Variants in RPS6KA5 observed in about 807,000 individuals in gnomAD.
The protein encoded by RPS6KA5 is ribosomal protein S6 kinase alpha-5.
RPS6KA5 carries 27 observed loss-of-function variants against 85.5 expected under a neutral mutation model. The ratio of observed to expected loss-of-function variants is 0.32; its 90% CI spans 0.23 to 0.44. The LOEUF (loss-of-function observed/expected upper bound fraction) is 0.44, where lower values mean the gene tolerates loss of function less well. RPS6KA5 is among the 20% of genes least tolerant of loss of function. RPS6KA5 has a pLI of 1.00. For missense variants in RPS6KA5, 811 were observed against 980.9 expected, an observed-to-expected ratio of 0.83 and a Z score of 2.31; for synonymous variants, 334 against 348.2, an observed-to-expected ratio of 0.96 and a Z score of 0.46.
chr14:90,905,793 G>T (rs2035464725), intron 8 of RPS6KA5, among the ~76,000 whole-genome samples: 2 of 152,098 alleles, frequency 1.3e-5, no homozygotes, highest in African/African-American at 4.8e-5. Context: ...AGACAGAAGT[G>T]AAAAGTACAG....
At chr14:91,033,898 A>C (rs1244070511) in intron 1 of RPS6KA5, among the ~76,000 whole-genome samples, 1 of 152,224 alleles carries the variant, frequency 6.6e-6, no homozygotes, top group Non-Finnish European at 1.5e-5. Context: ...AAAGTAGATA[A>C]ATTATAGTCT....
In RPS6KA5 at chr14:90,869,558, C is replaced by T. The variant is rs968353753; in HGVS notation, c.*2516G>A. The T allele has an allele frequency of 7.2e-5, 11 of 152,070 alleles. No homozygotes were observed. The East Asian group carries it at 7.7e-4, about 11-fold the overall frequency. The allele number at this position is 152,070 out of a possible 1,614,324, so 9.4% of individuals were successfully genotyped here. On this transcript the variant is annotated 3_prime_UTR_variant, in exon 17 of 17. Transcript: ENST00000614987. The stretch of plus-strand genomic sequence containing the variant: ...AGGGAGGGGGTGGTGTGGCTCTAGT[C>T]CCAAAGTTAATGTCATAAGGAGAAA...
At chr14:90,964,837 C>T (rs1405168872) in intron 3 of RPS6KA5, among the ~76,000 whole-genome samples, 1 of 149,852 alleles carries the variant, frequency 6.7e-6, no homozygotes, top group African/African-American at 2.5e-5. Context: ...ATCATTTGAG[C>T]CCAGGAAGTC....
At chr14:91,046,902 A>G (rs185451630) in intron 1 of RPS6KA5, among the ~76,000 whole-genome samples, 167 of 151,930 alleles carry the variant, frequency 1.1e-3, no homozygotes, top group Non-Finnish European at 3.5e-4. Context: ...CAGGCCCGGC[A>G]TGGTGGCTTA....
rs2033389353 is a variant in RPS6KA5 at position 90,875,349 on chromosome 14, C to A, written c.1848G>T (p.Leu616Phe). 1 of 1,613,280 alleles carries A rather than the reference C, an allele frequency of 6.2e-7. No homozygotes were observed. The highest frequency in any genetic ancestry group is 1.3e-5 in the African/African-American group (1 of 74,842). The change falls in exon 15 of 17, where the codon TTG becomes TTT. Residue 616 changes from leucine to phenylalanine, a missense_variant. By Grantham distance (22) the Leu-to-Phe change is conservative. This residue lies in a region of RPS6KA5 where 650 missense variants were observed against 793.4 expected (regional missense o/e 0.82). Coordinates refer to ENST00000614987, the MANE Select transcript of RPS6KA5 (RefSeq NM_004755.4). Reference protein sequence around the residue: ...WSLGVILYTMLSGQVPFQSHD... With the variant: ...WSLGVILYTMFSGQVPFQSHD... ...GAGATTGGAAGGGAACCTGTCCTGA[C>A]AACATTGTGTACTATCAGGGAAAAA...
intron 13 of RPS6KA5, chr14:90,894,050 A>G (rs1034528225): frequency 3.2e-6 from 3 of 940,906 alleles, no homozygotes; most frequent in African/African-American, 3.6e-5. Context: ...AGTTTTCAAA[A>G]TACATCATTT....
At chr14:90,896,252 C>A (rs1203850176) in intron 12 of RPS6KA5, among the ~76,000 whole-genome samples, 1 of 152,332 alleles carries the variant, frequency 6.6e-6, no homozygotes, top group Admixed American at 6.5e-5. Context: ...TAAGGCAATA[C>A]TTGCAGTGGT....
At position 90,996,833 on chromosome 14, in the gene RPS6KA5, T is replaced by C. The variant is rs1156427078; in HGVS notation, c.175+4255A>G. Among the ~76,000 whole-genome samples, 3 of 152,228 alleles carry C rather than the reference T, an allele frequency of 2.0e-5. 1 individual carries two copies. The highest frequency in any genetic ancestry group is 1.3e-4 in the Admixed American group (2 of 15,292). On this transcript the variant is annotated intron_variant, in intron 2 of 16. Transcript: ENST00000614987. ...CAAGGATCTTTATAGAGATCCCTTATTATATGGAATAAGTATACTCATCCA... is the reference window on the plus strand; with the variant it reads ...CAAGGATCTTTATAGAGATCCCTTACTATATGGAATAAGTATACTCATCCA...
intron 7 of RPS6KA5, among the ~76,000 whole-genome samples, chr14:90,907,498 G>C (rs940670692): frequency 6.6e-6 from 1 of 152,172 alleles, no homozygotes; most frequent in Admixed American, 6.5e-5. Flanking sequence ...CAATCAATGT[G>C]AGCTACTGTT....
intron 1 of RPS6KA5, among the ~76,000 whole-genome samples, chr14:91,021,916 G>A (rs960227844): frequency 1.2e-4 from 18 of 152,092 alleles, no homozygotes; most frequent in African/African-American, 4.8e-5. Context: ...AATCTTAATA[G>A]AAACCAAGAT....
At chr14:90,958,439 T>C (rs1485257809) in intron 3 of RPS6KA5, among the ~76,000 whole-genome samples, 1 of 152,220 alleles carries the variant, frequency 6.6e-6, no homozygotes, top group African/African-American at 2.4e-5. Flanking sequence ...TACATTTTGA[T>C]CTCTGATTTT....
intron 1 of RPS6KA5, among the ~76,000 whole-genome samples, chr14:91,004,323 A>T (rs2040915750): frequency 6.6e-6 from 1 of 152,048 alleles, no homozygotes; most frequent in Non-Finnish European, 1.5e-5. Context: ...CACCCGCCTC[A>T]GCTTCCCAAA....
chr14:90,903,638 T>C (rs1350369767), intron 8 of RPS6KA5, among the ~76,000 whole-genome samples: 3 of 152,218 alleles, frequency 2.0e-5, no homozygotes, highest in Admixed American at 1.3e-4. Context: ...ACTTACTGAG[T>C]TATATTACTG....
At chr14:91,038,398 G>C (rs2042480047) in intron 1 of RPS6KA5, among the ~76,000 whole-genome samples, 1 of 152,186 alleles carries the variant, frequency 6.6e-6, no homozygotes, top group African/African-American at 2.4e-5. Context: ...AGTTGTAAAG[G>C]AAAGAGTAAT....
chr14:90,987,249 T>C (rs2040093723), intron 2 of RPS6KA5, among the ~76,000 whole-genome samples: 1 of 152,244 alleles, frequency 6.6e-6, no homozygotes, highest in African/African-American at 2.4e-5. Flanking sequence ...ATTATTTTAA[T>C]ACGGATACTT....
At chr14:91,003,384 T>C (rs1339017412) in intron 1 of RPS6KA5, among the ~76,000 whole-genome samples, 1 of 152,226 alleles carries the variant, frequency 6.6e-6, no homozygotes, top group Non-Finnish European at 1.5e-5. Flanking sequence ...AATTACACTT[T>C]CTTTTACAAA....
At chr14:90,924,916 A>T (rs910300942) in intron 5 of RPS6KA5, among the ~76,000 whole-genome samples, 2 of 152,242 alleles carry the variant, frequency 1.3e-5, no homozygotes, top group Non-Finnish European at 2.9e-5. Flanking sequence ...GTTTTGTCCT[A>T]ATCATATCTG....
Position 90,853,772 on chromosome 14 carries a change from T to G in RPS6KA5, c.*18302A>C, listed in dbSNP as rs1374890652. On this transcript the variant is annotated 3_prime_UTR_variant, in exon 17 of 17. Coordinates refer to ENST00000614987, the MANE Select transcript of RPS6KA5 (RefSeq NM_004755.4). ...CTAAATTAAAATAATCCTGGAGCTC[T>G]GGAATGTTATTCCCTCTTAAAGCTG... The G allele has an allele frequency of 1.3e-5, 2 of 152,198 alleles. No homozygotes were observed. Among genetic ancestry groups the G allele is most frequent in the Non-Finnish European group, 2.9e-5 (2 of 68,022 alleles). 9.4% of individuals were successfully genotyped at this position (152,198 alleles called of 1,614,324 possible). A position where few individuals can be genotyped will look rare whatever the true frequency, so the allele number is the denominator to read the frequency against.
intron 1 of RPS6KA5, among the ~76,000 whole-genome samples, chr14:91,035,661 T>C (rs1034051059): frequency 2.0e-5 from 3 of 150,366 alleles, no homozygotes; most frequent in Non-Finnish European, 4.4e-5. Flanking sequence ...AAACAAGATA[T>C]ACCAAACCCA....
Sources: allele counts gnomAD v4.1 joint callset (sites outside exome capture counted in the v4.1 genomes callset), GRCh38; gene constraint gnomAD v4.1.1; regional missense constraint gnomAD v4.1.1; transcripts MANE v1.5; gene names NCBI Gene and HGNC (gene_info 2026-07-23, HGNC 2026-07-21).